Variants in ITPR1 observed in about 807,000 individuals in gnomAD.
ITPR1 encodes the protein inositol 1,4,5-trisphosphate-gated calcium channel ITPR1.
A neutral mutation model predicts 318.4 loss-of-function variants in ITPR1; 96 were observed. The observed-to-expected ratio is 0.30, with a 90% CI of 0.26 to 0.36. ITPR1 has a LOEUF of 0.36. Ranked by LOEUF, ITPR1 falls within the 10% of genes least tolerant of loss-of-function variation. The probability of loss-of-function intolerance (pLI) is 1.00; values close to 1 mark genes in which losing one functional copy is unlikely to be tolerated. For missense variants in ITPR1, 2,440 were observed against 3,460.2 expected (o/e 0.71, Z 7.40); for synonymous variants, 1,312 against 1,289.9 (o/e 1.02, Z -0.37).
chr3:4,773,664 C>T (rs936927610), intron 46 of ITPR1, among the ~76,000 whole-genome samples: 1 of 152,204 alleles, frequency 6.6e-6, no homozygotes, highest in Non-Finnish European at 1.5e-5. Context: ...CCCAAACACT[C>T]CTCCAGCGCC....
At chr3:4,722,411 G>C (rs1470123972) in intron 40 of ITPR1, among the ~76,000 whole-genome samples, 4 of 152,150 alleles carry the variant, frequency 2.6e-5, no homozygotes, top group African/African-American at 4.8e-5. Context: ...ATTTCAGAGA[G>C]CCCGTGCCCT....
intron 4 of ITPR1, among the ~76,000 whole-genome samples, chr3:4,610,743 G>C (rs891761831): frequency 6.6e-6 from 1 of 151,898 alleles, no homozygotes; most frequent in African/African-American, 2.4e-5. Flanking sequence ...CATTTTTTTT[G>C]TGCACCACTT....
chr3:4,499,647 AT>A (rs1392197533), intron 2 of ITPR1, among the ~76,000 whole-genome samples: 3 of 151,800 alleles, frequency 2.0e-5, no homozygotes, highest in Admixed American at 1.3e-4. Flanking sequence ...TTTTCCATGC[AT>A]TTTTTTTGTT....
intron 44 of ITPR1, among the ~76,000 whole-genome samples, chr3:4,758,295 A>G (rs376514661): frequency 5.9e-5 from 9 of 152,254 alleles, no homozygotes; most frequent in East Asian, 1.9e-4. Context: ...TTCTTTGAGG[A>G]AGGATCTGAG....
Position 4,687,617 on chromosome 3 carries a change from A to T in ITPR1, c.3703-878A>T, listed in dbSNP as rs143343665. Among the ~76,000 whole-genome samples, 484 of 152,276 alleles carry T rather than the reference A, an allele frequency of 3.2e-3. 3 individuals carry two copies. Among genetic ancestry groups the T allele is most frequent in the African/African-American group, 0.011 (459 of 41,558 alleles). On this transcript the variant is annotated intron_variant, in intron 30 of 61. Transcript: ENST00000649015. ...ATATGAAGGATGATTTCCAGTTTAGAAATTCTTGTTCTGTTTTTACTCTCT... is the reference window on the plus strand; with the variant it reads ...ATATGAAGGATGATTTCCAGTTTAGTAATTCTTGTTCTGTTTTTACTCTCT...
At chr3:4,526,538 G>A (rs563270054) in intron 4 of ITPR1, among the ~76,000 whole-genome samples, 2 of 152,340 alleles carry the variant, frequency 1.3e-5, no homozygotes, top group East Asian at 3.9e-4. Context: ...CTTGCTTTCA[G>A]GAGTCTTAGA....
intron 4 of ITPR1, among the ~76,000 whole-genome samples, chr3:4,522,474 G>A (rs1393284492): frequency 6.6e-6 from 1 of 152,234 alleles, no homozygotes; most frequent in Non-Finnish European, 1.5e-5. Flanking sequence ...GTTGCATCCA[G>A]TTGGCGTGAG....
intron 44 of ITPR1, among the ~76,000 whole-genome samples, chr3:4,764,804 T>C (rs531807378): frequency 6.6e-6 from 1 of 152,358 alleles, no homozygotes; most frequent in East Asian, 1.9e-4. Flanking sequence ...GTAGTCATTA[T>C]GGTGATTGTT....
In ITPR1 at chr3:4,535,442, A is replaced by ATTTT. The variant is rs34152018; in HGVS notation, c.163+14363_163+14366dup. 9.7e-3 allele frequency among the ~76,000 whole-genome samples: 977 copies of ATTTT among 100,976 alleles called. 53 individuals are homozygous for ATTTT. Among genetic ancestry groups the ATTTT allele is most frequent in the Non-Finnish European group, 0.014 (757 of 54,242 alleles). 66.2% of individuals were successfully genotyped at this position (100,976 alleles called of 152,430 possible). A position where few individuals can be genotyped will look rare whatever the true frequency, so the allele number is the denominator to read the frequency against. Reference sequence around the variant, plus strand: ...AATTATTTTCTTTTTTTTTTTTTTAATTTTTTTTTTTTTTTTTTGAGACGG... The same window carrying ATTTT: ...AATTATTTTCTTTTTTTTTTTTTTAATTTTTTTTTTTTTTTTTTTTTTGAGACGG... On this transcript the variant is annotated intron_variant, in intron 4 of 61. Transcript: ENST00000649015.
chr3:4,706,498 T>A, intron 37 of ITPR1, 147 bp downstream of exon 37: 1 of 663,460 alleles, frequency 1.5e-6, no homozygotes, highest in Non-Finnish European at 2.4e-6. Flanking sequence ...GTTATATATG[T>A]AGGGCCAGGA....
Position 4,520,210 on chromosome 3 carries a change from G to A in ITPR1, c.93-814G>A, listed in dbSNP as rs527856241. Among the ~76,000 whole-genome samples, 12 of 152,310 alleles carry A rather than the reference G, an allele frequency of 7.9e-5. No homozygotes were observed. The South Asian group carries it at 2.1e-3, about 26-fold the overall frequency. On this transcript the variant is annotated intron_variant, in intron 3 of 61. Coordinates refer to ENST00000649015, the MANE Select transcript of ITPR1 (RefSeq NM_001378452.1). ...AGTTTTAGGAGCTTGGACAAGTTGTGTAACTTCTCAGAGTCTCAGTTCCCT... is the reference window on the plus strand; with the variant it reads ...AGTTTTAGGAGCTTGGACAAGTTGTATAACTTCTCAGAGTCTCAGTTCCCT...
chr3:4,680,788 T>C (rs950826126), intron 25 of ITPR1, 97 bp downstream of exon 25: 5 of 1,141,238 alleles, frequency 4.4e-6, no homozygotes, highest in Non-Finnish European at 6.1e-6. Flanking sequence ...AGGGTGAAAA[T>C]GGTTTTGAGG....
chr3:4,824,151 G>C (rs1166574295), intron 60 of ITPR1, among the ~76,000 whole-genome samples: 5 of 152,206 alleles, frequency 3.3e-5, no homozygotes, highest in Non-Finnish European at 7.3e-5. Context: ...CCCCATGGTA[G>C]CTAGAGTGTT....
At chr3:4,618,754 G>A (rs1336429138) in intron 4 of ITPR1, among the ~76,000 whole-genome samples, 2 of 152,164 alleles carry the variant, frequency 1.3e-5, no homozygotes, top group South Asian at 4.1e-4. Context: ...TCTGCTCCAG[G>A]TTGTAGCAGT....
chr3:4,628,701 C>A (rs1388785633), intron 5 of ITPR1, among the ~76,000 whole-genome samples: 2 of 152,202 alleles, frequency 1.3e-5, no homozygotes, highest in African/African-American at 4.8e-5. Flanking sequence ...ATGTGAGTTT[C>A]TTGAGGGCCC....
At chr3:4,547,315 T>C (rs2085118889) in intron 4 of ITPR1, among the ~76,000 whole-genome samples, 1 of 152,258 alleles carries the variant, frequency 6.6e-6, no homozygotes, top group South Asian at 2.1e-4. Flanking sequence ...TATGTATTTA[T>C]TAAAGCCACT....
At chr3:4,633,041 C>T (rs1216304549) in intron 5 of ITPR1, among the ~76,000 whole-genome samples, 6 of 147,158 alleles carry the variant, frequency 4.1e-5, no homozygotes, top group South Asian at 2.1e-4. Flanking sequence ...CGGGTTCAAG[C>T]GATTTCCCTG....
intron 37 of ITPR1, among the ~76,000 whole-genome samples, chr3:4,707,699 G>A (rs1409661061): frequency 6.6e-6 from 1 of 152,166 alleles, no homozygotes; most frequent in African/African-American, 2.4e-5. Context: ...TAGGAAAATA[G>A]AGTGCACATA....
chr3:4,655,858 A>G lies in ITPR1; in HGVS notation c.996+1972A>G, dbSNP rs993378162. Among the ~76,000 whole-genome samples the G allele has an allele frequency of 6.6e-5, 10 of 152,302 alleles. 1 individual carries two copies. The South Asian group carries it at 1.7e-3, about 25-fold the overall frequency. Reference sequence around the variant, plus strand: ...GGAGAGGGGATCTTACCCGACGCCCACACGGCCAACAGCACAGATCTGCCC... The same window carrying G: ...GGAGAGGGGATCTTACCCGACGCCCGCACGGCCAACAGCACAGATCTGCCC... On this transcript the variant is annotated intron_variant, in intron 12 of 61. Coordinates refer to ENST00000649015, the MANE Select transcript of ITPR1 (RefSeq NM_001378452.1).
Sources: allele counts gnomAD v4.1 joint callset (sites outside exome capture counted in the v4.1 genomes callset), GRCh38; gene constraint gnomAD v4.1.1; transcripts MANE v1.5; gene names NCBI Gene and HGNC (gene_info 2026-07-23, HGNC 2026-07-21).